PTPRD: variants seen among roughly 807,000 people sequenced by gnomAD.
PTPRD encodes the protein receptor-type tyrosine-protein phosphatase delta.
In PTPRD, 34 loss-of-function variants were observed where a neutral mutation model predicts 214.5. The ratio of observed to expected loss-of-function variants is 0.16; its 90% CI spans 0.12 to 0.21. PTPRD has a LOEUF of 0.21. Ranked by LOEUF, PTPRD falls within the 10% of genes least tolerant of loss-of-function variation. The pLI, the probability that PTPRD is intolerant of heterozygous loss-of-function variation, is 1.00. For missense variants in PTPRD, 2,545 were observed against 2,398.7 expected (o/e 1.06, Z -1.27); for synonymous variants, 1,128 against 845.7 (o/e 1.33, Z -5.79).
intron 5 of PTPRD, among the ~76,000 whole-genome samples, chr9:9,832,796 G>C (rs376149176): frequency 6.6e-6 from 1 of 151,858 alleles, no homozygotes; most frequent in Non-Finnish European, 1.5e-5. Flanking sequence ...CAATGGACCA[G>C]GATTACATGC....
At chr9:10,097,996 C>T (rs962948547) in intron 3 of PTPRD, among the ~76,000 whole-genome samples, 3 of 151,734 alleles carry the variant, frequency 2.0e-5, no homozygotes, top group African/African-American at 4.8e-5. Context: ...TTACGGGGTA[C>T]ATACCCAAAG....
At chr9:9,218,411 G>T (rs936929130) in intron 9 of PTPRD, among the ~76,000 whole-genome samples, 6 of 152,116 alleles carry the variant, frequency 3.9e-5, no homozygotes, top group African/African-American at 1.4e-4. Flanking sequence ...AAATTTTACG[G>T]AGTTTAATCC....
intron 5 of PTPRD, among the ~76,000 whole-genome samples, chr9:9,908,289 C>T (rs1429211708): frequency 1.3e-5 from 2 of 151,822 alleles, no homozygotes; most frequent in Admixed American, 6.6e-5. Flanking sequence ...GAGAGTTCTT[C>T]CACACTAATA....
intron 9 of PTPRD, among the ~76,000 whole-genome samples, chr9:9,274,629 C>G (rs1378321868): frequency 1.3e-5 from 2 of 151,144 alleles, no homozygotes; most frequent in Admixed American, 6.6e-5. Flanking sequence ...TTTCCACCCT[C>G]TGGCCCTAAA....
At chr9:9,652,182 A>G (rs565983592) in intron 7 of PTPRD, among the ~76,000 whole-genome samples, 67 of 151,976 alleles carry the variant, frequency 4.4e-4, no homozygotes, top group Middle Eastern at 6.8e-3. Flanking sequence ...TCATGCCTCA[A>G]AGCCTTTCTG....
At chr9:8,672,019 CAAGTTTTCATTCAA>C (rs1252094177) in intron 12 of PTPRD, among the ~76,000 whole-genome samples, 1 of 152,198 alleles carries the variant, frequency 6.6e-6, no homozygotes, top group East Asian at 1.9e-4. Flanking sequence ...TTTTCATTCA[CAAGTTTTCATTCAA>C]ACTAAATTAC....
chr9:8,518,736 T>C (rs1158033222), intron 20 of PTPRD, among the ~76,000 whole-genome samples: 1 of 152,168 alleles, frequency 6.6e-6, no homozygotes, highest in East Asian at 1.9e-4. Flanking sequence ...TTTCCTCATG[T>C]GGAAATGGGA....
intron 3 of PTPRD, among the ~76,000 whole-genome samples, chr9:10,049,773 G>C (rs2097492119): frequency 6.6e-6 from 1 of 152,094 alleles, no homozygotes; most frequent in Admixed American, 6.6e-5. Flanking sequence ...AAATATTCTA[G>C]TGACAACTTC....
chr9:8,669,187 C>T (rs1172021354), intron 12 of PTPRD, among the ~76,000 whole-genome samples: 1 of 152,134 alleles, frequency 6.6e-6, no homozygotes, highest in Non-Finnish European at 1.5e-5. Flanking sequence ...TGGATGCACA[C>T]AGCCCCACTC....
At chr9:9,557,675 C>A (rs1347509880) in intron 8 of PTPRD, among the ~76,000 whole-genome samples, 1 of 152,182 alleles carries the variant, frequency 6.6e-6, no homozygotes, top group African/African-American at 2.4e-5. Context: ...ACCCCCTTAT[C>A]TTAACCAAAA....
At chr9:8,703,811 C>T (rs1487575888) in intron 12 of PTPRD, among the ~76,000 whole-genome samples, 2 of 152,102 alleles carry the variant, frequency 1.3e-5, no homozygotes, top group African/African-American at 4.8e-5. Flanking sequence ...TATCAAATTG[C>T]TTATTTGGCA....
chr9:8,982,164 A>G lies in PTPRD; in HGVS notation c.-104+36533T>C, dbSNP rs556756419. Among the ~76,000 whole-genome samples the G allele has an allele frequency of 8.5e-5, 13 of 152,146 alleles. No homozygotes were observed. In the South Asian group the frequency reaches 2.7e-3, roughly 32 times the overall value. ...TGTTAAAAGAGGAAAATATTACTAC[A>G]CAATTATCAAATTACACATGTGATC... On this transcript the variant is annotated intron_variant, in intron 11 of 45. Transcript: ENST00000381196.
In PTPRD at chr9:9,955,687, C is replaced by G. The variant is rs1246465269; in HGVS notation, c.-471-17077G>C. Reference sequence around the variant, plus strand: ...TACAGGTGCCCGCCACCATGCCCGACTAATTTTTTGTATTTTTAGTAGAGA... The same window carrying G: ...TACAGGTGCCCGCCACCATGCCCGAGTAATTTTTTGTATTTTTAGTAGAGA... On this transcript the variant is annotated intron_variant, in intron 4 of 45. Transcript: ENST00000381196. Among the ~76,000 whole-genome samples, 3 of 152,180 alleles carry G rather than the reference C, an allele frequency of 2.0e-5. No individual in the cohort carries two copies. The East Asian group carries it at 5.8e-4, about 29-fold the overall frequency.
intron 9 of PTPRD, among the ~76,000 whole-genome samples, chr9:9,342,649 A>G (rs2047236984): frequency 1.3e-5 from 2 of 152,086 alleles, no homozygotes; most frequent in Admixed American, 1.3e-4. Context: ...TTGCTGTTGA[A>G]CAAAATGTGG....
In PTPRD at chr9:9,161,831, G is replaced by A. The variant is rs867943153; in HGVS notation, c.-143+21473C>T. Among the ~76,000 whole-genome samples the A allele has an allele frequency of 8.6e-5, 13 of 150,868 alleles. No homozygotes were observed. In the South Asian group the frequency reaches 2.7e-3, roughly 31 times the overall value. On this transcript the variant is annotated intron_variant, in intron 10 of 45. Transcript: ENST00000381196. ...ATGTAACACATCATATAACAGTAATGGTAACATTACTGCATAAGCTACACA... is the reference window on the plus strand; with the variant it reads ...ATGTAACACATCATATAACAGTAATAGTAACATTACTGCATAAGCTACACA...
chr9:10,405,711 C>T (rs997730953), intron 2 of PTPRD, among the ~76,000 whole-genome samples: 2 of 151,370 alleles, frequency 1.3e-5, no homozygotes, highest in African/African-American at 4.8e-5. Flanking sequence ...TAAATGGAAA[C>T]TCAATAATAT....
At chr9:9,358,884 A>C (rs756745982) in intron 9 of PTPRD, among the ~76,000 whole-genome samples, 1 of 151,316 alleles carries the variant, frequency 6.6e-6, no homozygotes, top group African/African-American at 2.4e-5. Context: ...GAAGCCCACA[A>C]TCAAAGTTGA....
At chr9:9,658,527 T>C (rs2096564096) in intron 7 of PTPRD, among the ~76,000 whole-genome samples, 1 of 152,156 alleles carries the variant, frequency 6.6e-6, no homozygotes, top group Admixed American at 6.6e-5. Context: ...TTTGTAAAGC[T>C]AGAGTTCATA....
At chr9:8,770,167 G>C (rs918989735) in intron 11 of PTPRD, among the ~76,000 whole-genome samples, 1 of 152,052 alleles carries the variant, frequency 6.6e-6, no homozygotes, top group Non-Finnish European at 1.5e-5. Context: ...TGTAATCCCA[G>C]CTACTCGGGG....
Sources: allele counts gnomAD v4.1 joint callset (sites outside exome capture counted in the v4.1 genomes callset), GRCh38; gene constraint gnomAD v4.1.1; transcripts MANE v1.5; gene names NCBI Gene and HGNC (gene_info 2026-07-23, HGNC 2026-07-21).